The following WDR72 variants were observed in gnomAD, a reference collection of about 807,000 sequenced individuals.
WDR72 encodes WD repeat-containing protein 72.
Under a neutral mutation model 124.2 loss-of-function variants are expected in WDR72, and 120 were observed. The observed-to-expected ratio is 0.97, with a 90% CI of 0.83 to 1.12. The LOEUF is 1.12. Among genes scored for constraint, WDR72 ranks in the 50% most tolerant of loss-of-function variants. The pLI is 0.00. For missense variants in WDR72, 1,387 were observed against 1,278.8 expected (o/e 1.08, Z -1.29); for synonymous variants, 452 against 441.7 (o/e 1.02, Z -0.29).
chr15:53,704,827 A>AAAC (rs1196080390), intron 11 of WDR72, among the ~76,000 whole-genome samples, 161 bp downstream of exon 11: 3 of 151,236 alleles, frequency 2.0e-5, no homozygotes, highest in South Asian at 2.1e-4. Flanking sequence ...AAAAAAAAAA[A>AAAC]AAAAACCTAT....
chr15:53,704,450 G>T (rs2017277354), intron 11 of WDR72, among the ~76,000 whole-genome samples: 1 of 152,016 alleles, frequency 6.6e-6, no homozygotes, highest in African/African-American at 2.4e-5. Flanking sequence ...TTTGGAGAAA[G>T]AACTGGAAGA....
chr15:53,642,832 G>A (rs534249988), intron 14 of WDR72, among the ~76,000 whole-genome samples: 2 of 152,080 alleles, frequency 1.3e-5, no homozygotes, highest in South Asian at 4.1e-4. Context: ...CATAAAAATT[G>A]CATGGGAAGT....
At position 53,715,489 on chromosome 15, in the gene WDR72, T is replaced by G. The variant is rs147362145; in HGVS notation, c.340-122A>C. ...TGATCAATTAAGGTATTGAACTGAA[T>G]AGCAACTAAAATTTCTCTTAGTTCA... On this transcript the variant is annotated intron_variant, in intron 4 of 19. Coordinates refer to ENST00000360509, the MANE Select transcript of WDR72 (RefSeq NM_182758.4). 958 of 1,166,198 alleles carry G rather than the reference T, an allele frequency of 8.2e-4. 7 individuals are homozygous for G. In the African/African-American group the frequency reaches 0.01, roughly 13 times the overall value. The allele number at this position is 1,166,198 out of a possible 1,614,324, so 72.2% of individuals were successfully genotyped here.
chr15:53,552,019 G>C (rs10518727), intron 18 of WDR72, among the ~76,000 whole-genome samples: 42,465 of 151,986 alleles, frequency 0.28, 6,626 homozygotes, highest in African/African-American at 0.43. Context: ...ATCTGCTGCT[G>C]AGCATATTCA....
chr15:53,616,174 C>T lies in WDR72; in HGVS notation c.2032G>A (p.Gly678Ser). The change falls in exon 15 of 20, where the codon GGC becomes AGC. Residue 678 changes from glycine to serine, a missense_variant. By Grantham distance (56) the Gly-to-Ser change is moderately conservative (BLOSUM62 0). Transcript: ENST00000360509. ...LPVKTKWSNV[G>S]FHILLFDLEN... ...AGATCAAATAGAAGAATATGAAAGC[C>T]AACGTTACTCCATTTTGTCTTCACA... is the stretch of plus-strand genomic sequence containing the variant. 6.2e-7 allele frequency: 1 copy of T among 1,606,578 alleles called. No homozygotes were observed. The highest frequency in any genetic ancestry group is 1.1e-5 in the South Asian group (1 of 90,404).
chr15:53,753,277 T>C (rs1265859282), intron 1 of WDR72, among the ~76,000 whole-genome samples: 1 of 152,202 alleles, frequency 6.6e-6, no homozygotes. Context: ...GGTACTCCCA[T>C]AGGCAGAAAT....
chr15:53,678,705 C>T (rs1332543560), intron 13 of WDR72, among the ~76,000 whole-genome samples: 1 of 152,172 alleles, frequency 6.6e-6, no homozygotes. Flanking sequence ...CTGGTAAAGA[C>T]CCCAGTATGC....
chr15:53,528,430 C>G (rs1050299413), intron 18 of WDR72, among the ~76,000 whole-genome samples: 4 of 152,128 alleles, frequency 2.6e-5, no homozygotes, highest in African/African-American at 9.6e-5. Flanking sequence ...TAACTAATAA[C>G]TATTTTACAG....
intron 18 of WDR72, among the ~76,000 whole-genome samples, chr15:53,535,141 C>A (rs1259653721): frequency 6.6e-6 from 1 of 152,090 alleles, no homozygotes; most frequent in African/African-American, 2.4e-5. Flanking sequence ...TAAAAGAATA[C>A]TGAATTATGG....
At position 53,590,469 on chromosome 15, in the gene WDR72, G is replaced by T. The variant is rs1230145029; in HGVS notation, c.3148+6610C>A. ...TATCTGTTAATTGATTTCTTCTAGAGAATCTTTTTTTTCTGTTGTTATGAC... is the reference window on the plus strand; with the variant it reads ...TATCTGTTAATTGATTTCTTCTAGATAATCTTTTTTTTCTGTTGTTATGAC... On this transcript the variant is annotated intron_variant, in intron 18 of 19. Coordinates refer to ENST00000360509, the MANE Select transcript of WDR72 (RefSeq NM_182758.4). Among the ~76,000 whole-genome samples, 5 of 152,004 alleles carry T rather than the reference G, an allele frequency of 3.3e-5. No individual in the cohort carries two copies. The East Asian group carries it at 9.7e-4, about 29-fold the overall frequency.
chr15:53,522,846 C>A (rs959204981), intron 19 of WDR72, among the ~76,000 whole-genome samples: 2 of 151,970 alleles, frequency 1.3e-5, no homozygotes, highest in Non-Finnish European at 1.5e-5. Context: ...TCTTTTCACC[C>A]CCGTCTGTCC....
At chr15:53,568,242 T>A (rs1894373974) in intron 18 of WDR72, among the ~76,000 whole-genome samples, 1 of 151,832 alleles carries the variant, frequency 6.6e-6, no homozygotes, top group South Asian at 2.1e-4. Context: ...AGTGCATGCA[T>A]GATCCACAGT....
At chr15:53,686,972 A>G (rs573026718) in intron 13 of WDR72, among the ~76,000 whole-genome samples, 10 of 151,534 alleles carry the variant, frequency 6.6e-5, no homozygotes, top group Non-Finnish European at 1.2e-4. Context: ...CTGGGTACAT[A>G]ACGAAATGAA....
At chr15:53,584,394 C>A (rs1020589544) in intron 18 of WDR72, among the ~76,000 whole-genome samples, 2 of 151,918 alleles carry the variant, frequency 1.3e-5, no homozygotes. Context: ...AGCAAGGAGG[C>A]AAGCTTTCCC....
chr15:53,707,693 A>G (rs2017421654), intron 9 of WDR72, among the ~76,000 whole-genome samples: 1 of 151,924 alleles, frequency 6.6e-6, no homozygotes, highest in African/African-American at 2.4e-5. Flanking sequence ...TGATCCACCC[A>G]CCTCGGCCTC....
At chr15:53,518,413 TACTA>T (rs916777039) in intron 19 of WDR72, among the ~76,000 whole-genome samples, 4 of 152,076 alleles carry the variant, frequency 2.6e-5, no homozygotes, top group Non-Finnish European at 1.5e-5. Flanking sequence ...CAGTACTGTA[TACTA>T]ACTGTGTGTG....
chr15:53,723,451 C>G (rs1434696476), intron 2 of WDR72, among the ~76,000 whole-genome samples: 1 of 152,060 alleles, frequency 6.6e-6, no homozygotes, highest in Non-Finnish European at 1.5e-5. Context: ...GGTATATACC[C>G]AAAGGGAATG....
chr15:53,525,554 A>G (rs981045822), intron 18 of WDR72, among the ~76,000 whole-genome samples: 1 of 152,098 alleles, frequency 6.6e-6, no homozygotes, highest in African/African-American at 2.4e-5. Context: ...GGAAGAGGAC[A>G]TGGTATTAGA....
rs553054 is a variant in WDR72, at chr15:53,710,712, T to C, written c.954+145A>G. Reference sequence around the variant, plus strand: ...AAGTTTTCTCTTTGGTAGCCATTGATAATTAAACTTGATTTTCTCATTAAC... The same window carrying C: ...AAGTTTTCTCTTTGGTAGCCATTGACAATTAAACTTGATTTTCTCATTAAC... On this transcript the variant is annotated intron_variant, in intron 9 of 19. Coordinates refer to ENST00000360509, the MANE Select transcript of WDR72 (RefSeq NM_182758.4). 0.99 allele frequency: 704,104 copies of C among 712,440 alleles called. 348,355 individuals carry two copies. The highest frequency in any genetic ancestry group is 1 in the East Asian group (37,158 of 37,158). The allele number at this position is 712,440 out of a possible 1,614,324, so 44.1% of individuals were successfully genotyped here. A position where few individuals can be genotyped will look rare whatever the true frequency, so the allele number is the denominator to read the frequency against.
Sources: allele counts gnomAD v4.1 joint callset (sites outside exome capture counted in the v4.1 genomes callset), GRCh38; gene constraint gnomAD v4.1.1; transcripts MANE v1.5; gene names NCBI Gene and HGNC (gene_info 2026-07-23, HGNC 2026-07-21).